UBE2O: variants seen among roughly 807,000 people sequenced by gnomAD.
UBE2O encodes the protein (E3-independent) E2 ubiquitin-conjugating enzyme.
A neutral mutation model predicts 125.8 loss-of-function variants in UBE2O; 15 were observed. The ratio of observed to expected loss-of-function variants is 0.12; its 90% CI spans 0.08 to 0.18. UBE2O has a LOEUF of 0.18. UBE2O is among the 10% of genes least tolerant of loss of function. The probability of loss-of-function intolerance (pLI) is 1.00; values close to 1 mark genes in which losing one functional copy is unlikely to be tolerated. For missense variants in UBE2O, 1,280 were observed against 1,723.6 expected (o/e 0.74, Z 4.56); for synonymous variants, 708 against 703.2 (o/e 1.01, Z -0.11).
rs1292758255 is a variant in UBE2O, at chr17:76,452,144, C to T, written c.417+581G>A. Among the ~76,000 whole-genome samples, 1 of 152,134 alleles carries T rather than the reference C, an allele frequency of 6.6e-6. No individual in the cohort carries two copies. The highest frequency in any genetic ancestry group is 6.5e-5 in the Admixed American group (1 of 15,268). On this transcript the variant is annotated intron_variant, in intron 1 of 17. Transcript: ENST00000319380. The surrounding 1 kb of genome is among the most constrained non-coding windows in gnomAD (Gnocchi z 4.4). ...GGGGCTCTGATTGCTAATGATTTTA[C>T]TCACAAAGTTCCCTGCAGCAATTAA...
chr17:76,405,611 A>C lies in UBE2O; in HGVS notation c.418-39T>G, dbSNP rs1442652829. On this transcript the variant is annotated intron_variant, in intron 1 of 17. Transcript: ENST00000319380. This position sits in a 1 kb window ranked among gnomAD's most constrained non-coding sequence, Gnocchi z 6.1. ...TACAGGTGTGAGAGAATGGACTCTG[A>C]AGCCACCACAGAATACAGTTTTCTT... The C allele has an allele frequency of 9.2e-6, 14 of 1,520,496 alleles. No individual in the cohort carries two copies. The highest frequency in any genetic ancestry group is 1.3e-5 in the Non-Finnish European group (14 of 1,113,534). 94.2% of individuals were successfully genotyped at this position (1,520,496 alleles called of 1,614,324 possible).
chr17:76,396,020 A>C lies in UBE2O; in HGVS notation c.2809+108T>G. 6.8e-7 allele frequency: 1 copy of C among 1,478,960 alleles called. No homozygotes were observed. The highest frequency in any genetic ancestry group is 2.3e-5 in the East Asian group (1 of 43,762). 91.6% of individuals were successfully genotyped at this position (1,478,960 alleles called of 1,614,324 possible). On this transcript the variant is annotated intron_variant, in intron 14 of 17. Coordinates refer to ENST00000319380, the MANE Select transcript of UBE2O (RefSeq NM_022066.4). This position sits in a 1 kb window ranked among gnomAD's most constrained non-coding sequence, Gnocchi z 6.7. ...GGGAAATGGTTTGCCCTGGGGCAGTAGCTGGGGTCTGGCGAGGGGACTAAC... is the reference window on the plus strand; with the variant it reads ...GGGAAATGGTTTGCCCTGGGGCAGTCGCTGGGGTCTGGCGAGGGGACTAAC...
Position 76,396,992 on chromosome 17 carries a change from C to G in UBE2O, c.2116-171G>C, listed in dbSNP as rs543188461. Among the ~76,000 whole-genome samples, 1 of 152,266 alleles carries G rather than the reference C, an allele frequency of 6.6e-6. No individual in the cohort carries two copies. The highest frequency in any genetic ancestry group is 2.4e-5 in the African/African-American group (1 of 41,558). Reference sequence around the variant, plus strand: ...ACCTCTGCTCTGGCTTTTGCAGTCCCTAGGTCTCTGGGAGAGGCCCTTCAC... The same window carrying G: ...ACCTCTGCTCTGGCTTTTGCAGTCCGTAGGTCTCTGGGAGAGGCCCTTCAC... On this transcript the variant is annotated intron_variant, in intron 13 of 17. Transcript: ENST00000319380. The surrounding 1 kb of genome is among the most constrained non-coding windows in gnomAD (Gnocchi z 6.7).
intron 1 of UBE2O, among the ~76,000 whole-genome samples, chr17:76,451,779 G>GTGTGTGT (rs1555611641): frequency 1.5e-5 from 2 of 137,422 alleles, no homozygotes; most frequent in African/African-American, 3.0e-5. Context: ...GATACAGGGG[G>GTGTGTGT]GTGTGTGTGT....
At chr17:76,406,607 C>CAA (rs35739452) in intron 1 of UBE2O, among the ~76,000 whole-genome samples, 1 of 112,144 alleles carries the variant, frequency 8.9e-6, no homozygotes, top group East Asian at 2.5e-4. Context: ...ACGTGACTCA[C>CAA]AAAAAAAAAA....
intron 1 of UBE2O, among the ~76,000 whole-genome samples, chr17:76,420,465 G>A (rs561441847): frequency 6.6e-6 from 1 of 152,228 alleles, no homozygotes; most frequent in Non-Finnish European, 1.5e-5. Flanking sequence ...AAATGTTACA[G>A]ACTCGCCCAC....
chr17:76,406,537 T>C (rs917770982), intron 1 of UBE2O, among the ~76,000 whole-genome samples: 10 of 150,382 alleles, frequency 6.6e-5, no homozygotes, highest in African/African-American at 9.8e-5. Context: ...AGGAAGATAC[T>C]GGCTCAAGGT....
At chr17:76,441,054 C>T (rs1228008720) in intron 1 of UBE2O, among the ~76,000 whole-genome samples, 1 of 152,144 alleles carries the variant, frequency 6.6e-6, no homozygotes, top group Non-Finnish European at 1.5e-5. Context: ...CTCCCACTTG[C>T]TATGTGGCCT....
chr17:76,396,262 G>A lies in UBE2O; in HGVS notation c.2675C>T (p.Pro892Leu). ...VPDVERKEDK[P>L]EGQSPVKAEW... Reference sequence around the variant, plus strand: ...AGCCTTCACAGGTGACTGCCCCTCGGGCTTGTCCTCCTTGCGCTCTACGTC... The same window carrying A: ...AGCCTTCACAGGTGACTGCCCCTCGAGCTTGTCCTCCTTGCGCTCTACGTC... The change falls in exon 14 of 18, where the codon CCC (proline) becomes CTC (leucine). Residue 892 changes from proline (P) to leucine (L), a missense_variant. Transcript: ENST00000319380. The surrounding 1 kb of genome is among the most constrained non-coding windows in gnomAD (Gnocchi z 6.7). 5 of 1,614,166 alleles carry A rather than the reference G, an allele frequency of 3.1e-6. No individual in the cohort carries two copies. The highest frequency in any genetic ancestry group is 3.4e-6 in the Non-Finnish European group (4 of 1,180,038).
rs2072206161 is a variant in UBE2O, at chr17:76,396,213, C to T, written c.2724G>A (p.Val908=). The T allele has an allele frequency of 6.2e-7, 1 of 1,614,078 alleles. No individual in the cohort carries two copies. Among genetic ancestry groups the T allele is most frequent in the Admixed American group, 1.7e-5 (1 of 60,016 alleles). ...VKAEWPSETP[V]LCQQCGGKPG... ...GCTTGCCGCCACACTGCTGGCACAG[C>T]ACCGGGGTTTCGCTGGGCCACTCAG... Residue 908 remains valine (V), a synonymous_variant, in exon 14 of 18, where the codon GTG becomes GTA. Transcript: ENST00000319380. The surrounding 1 kb of genome is among the most constrained non-coding windows in gnomAD (Gnocchi z 6.7).
At position 76,404,875 on chromosome 17, in the gene UBE2O, G is replaced by A. The variant is rs1018137257; in HGVS notation, c.588+331C>T. ...AGGGACACAGGAATTTACAACTTTT[G>A]GTAAGTTTGAAATCATTAAAAAAAT... On this transcript the variant is annotated intron_variant, in intron 3 of 17. Coordinates refer to ENST00000319380, the MANE Select transcript of UBE2O (RefSeq NM_022066.4). This position sits in a 1 kb window ranked among gnomAD's most constrained non-coding sequence, Gnocchi z 4.3. Among the ~76,000 whole-genome samples, 1 of 151,916 alleles carries A rather than the reference G, an allele frequency of 6.6e-6. No homozygotes were observed. Among genetic ancestry groups the A allele is most frequent in the Non-Finnish European group, 1.5e-5 (1 of 67,970 alleles).
chr17:76,449,815 G>C (rs1329408018), intron 1 of UBE2O, among the ~76,000 whole-genome samples: 2 of 152,140 alleles, frequency 1.3e-5, no homozygotes, highest in African/African-American at 2.4e-5. Context: ...AGCTACTCGG[G>C]AGGCTGAGGT....
At chr17:76,438,490 G>A (rs2073032949) in intron 1 of UBE2O, among the ~76,000 whole-genome samples, 1 of 152,008 alleles carries the variant, frequency 6.6e-6, no homozygotes, top group East Asian at 1.9e-4. Flanking sequence ...TACGTGCAAG[G>A]CTGTGAAACA....
At chr17:76,417,330 C>T (rs2072632786) in intron 1 of UBE2O, among the ~76,000 whole-genome samples, 1 of 152,276 alleles carries the variant, frequency 6.6e-6, no homozygotes. Flanking sequence ...GGCACCAGGG[C>T]AGGTCCCTAG....
intron 1 of UBE2O, among the ~76,000 whole-genome samples, chr17:76,406,533 A>AT (rs1213017740): frequency 6.6e-6 from 1 of 151,816 alleles, no homozygotes; most frequent in Non-Finnish European, 1.5e-5. Context: ...AAAAAGGAAG[A>AT]TACTGGCTCA....
Position 76,396,612 on chromosome 17 carries a change from C to G in UBE2O, c.2325G>C (p.Val775=). Residue 775 remains valine (V), a synonymous_variant, in exon 14 of 18, where the codon GTG becomes GTC. Coordinates refer to ENST00000319380, the MANE Select transcript of UBE2O (RefSeq NM_022066.4). The surrounding 1 kb of genome is among the most constrained non-coding windows in gnomAD (Gnocchi z 6.7). ...QPVAPEDKGV[V]ISEEAATAAV... The stretch of plus-strand genomic sequence containing the variant: ...CAGCTGTGGCTGCCTCTTCACTGAT[C>G]ACCACTCCCTTGTCCTCAGGGGCCA... The G allele has an allele frequency of 6.2e-7, 1 of 1,611,122 alleles. No individual in the cohort carries two copies. Among genetic ancestry groups the G allele is most frequent in the Non-Finnish European group, 8.5e-7 (1 of 1,178,776 alleles).
chr17:76,420,335 C>G (rs1012309984), intron 1 of UBE2O, among the ~76,000 whole-genome samples: 1 of 151,922 alleles, frequency 6.6e-6, no homozygotes, highest in African/African-American at 2.4e-5. Context: ...GAGCAGGGGG[C>G]TATGGAGGAG....
At chr17:76,444,277 C>G (rs185548554) in intron 1 of UBE2O, among the ~76,000 whole-genome samples, 1 of 151,436 alleles carries the variant, frequency 6.6e-6, no homozygotes, top group Non-Finnish European at 1.5e-5. Context: ...AGCTAGGCAC[C>G]GTGGCTCACG....
chr17:76,403,262 A>G (rs1005527931), intron 3 of UBE2O, among the ~76,000 whole-genome samples: 16 of 151,816 alleles, frequency 1.1e-4, no homozygotes, highest in African/African-American at 3.1e-4. Flanking sequence ...CATATATTTT[A>G]TTTTACTTTA....
Sources: allele counts gnomAD v4.1 joint callset (sites outside exome capture counted in the v4.1 genomes callset), GRCh38; gene constraint gnomAD v4.1.1; non-coding constraint Gnocchi (gnomAD v3.1); transcripts MANE v1.5; gene names NCBI Gene and HGNC (gene_info 2026-07-23, HGNC 2026-07-21).